The following CMIP variants were observed in gnomAD, a reference collection of about 807,000 sequenced individuals.
The protein encoded by CMIP is c-Maf inducing protein, also known as C-Maf-inducing protein.
A neutral mutation model predicts 97.3 loss-of-function variants in CMIP; 13 were observed. That is an observed-to-expected ratio of 0.13 (90% CI 0.09 to 0.21). The LOEUF is 0.21. CMIP is among the 10% of genes least tolerant of loss of function. The pLI, the probability that CMIP is intolerant of heterozygous loss-of-function variation, is 1.00. For synonymous variants in CMIP, 538 were observed against 436.3 expected, an observed-to-expected ratio of 1.23 and a Z score of -2.91; for missense variants, 847 against 1,024.9, an observed-to-expected ratio of 0.83 and a Z score of 2.37.
chr16:81,662,602 G>T (rs931176557), intron 6 of CMIP, among the ~76,000 whole-genome samples: 3 of 152,166 alleles, frequency 2.0e-5, no homozygotes, highest in African/African-American at 7.2e-5. Flanking sequence ...CCAAACTCCT[G>T]CCAAATTCCA....
chr16:81,631,390 G>A (rs1050598495), intron 3 of CMIP: 5 of 152,224 alleles, frequency 3.3e-5, no homozygotes, highest in African/African-American at 9.6e-5. Context: ...TTGCCCAGCT[G>A]GAGCTATCTT....
At chr16:81,548,531 C>G (rs2090593096) in intron 1 of CMIP, among the ~76,000 whole-genome samples, 1 of 152,076 alleles carries the variant, frequency 6.6e-6, no homozygotes, top group East Asian at 1.9e-4. Flanking sequence ...CCCTTCCACC[C>G]CAGTTGTGAC....
At chr16:81,510,426 T>G (rs1484680111) in intron 1 of CMIP, among the ~76,000 whole-genome samples, 1 of 152,218 alleles carries the variant, frequency 6.6e-6, no homozygotes, top group Non-Finnish European at 1.5e-5. Flanking sequence ...GCTAAGCACT[T>G]GGTTTGGATT....
chr16:81,462,037 A>T (rs539129343), intron 1 of CMIP, among the ~76,000 whole-genome samples: 1 of 152,282 alleles, frequency 6.6e-6, no homozygotes, highest in Admixed American at 6.5e-5. Flanking sequence ...CTGTGTTGTC[A>T]TCATTATCTT....
chr16:81,677,429 A>G (rs1020090097), intron 9 of CMIP, among the ~76,000 whole-genome samples: 1 of 152,068 alleles, frequency 6.6e-6, no homozygotes, highest in Non-Finnish European at 1.5e-5. Flanking sequence ...TGCACTTAGC[A>G]CCTTGCCGGC....
intron 1 of CMIP, among the ~76,000 whole-genome samples, chr16:81,605,821 C>G (rs565402674): frequency 1.3e-5 from 2 of 152,364 alleles, no homozygotes; most frequent in South Asian, 4.1e-4. Context: ...AAGCTCCTGT[C>G]TTATTCACTG....
intron 11 of CMIP, 130 bp downstream of exon 11, chr16:81,691,970 C>T (rs1042547459): frequency 2.8e-5 from 22 of 784,300 alleles, no homozygotes; most frequent in Middle Eastern, 5.4e-4. Context: ...CTGGAGACGT[C>T]GGTACCAGCT....
At chr16:81,457,275 G>A (rs756059787) in intron 1 of CMIP, among the ~76,000 whole-genome samples, 4 of 151,946 alleles carry the variant, frequency 2.6e-5, no homozygotes, top group African/African-American at 7.3e-5. Flanking sequence ...CAGCCAGGTC[G>A]CCTTTGCCTC....
rs570861379 is a variant in CMIP, at chr16:81,614,212, C to T, written c.426+6520C>T. The stretch of plus-strand genomic sequence containing the variant: ...AGAATGTTCCTGGTGGGGGAGTACA[C>T]GCTGCATGGAAGCCAGTCTGAGAGC... On this transcript the variant is annotated intron_variant, in intron 2 of 20. Coordinates refer to ENST00000537098, the MANE Select transcript of CMIP (RefSeq NM_198390.3). The surrounding 1 kb of genome is among the most constrained non-coding windows in gnomAD (Gnocchi z 5.3). Among the ~76,000 whole-genome samples, 17 of 152,250 alleles carry T rather than the reference C, an allele frequency of 1.1e-4. No individual in the cohort carries two copies. The South Asian group carries it at 2.7e-3, about 24-fold the overall frequency.
chr16:81,581,151 C>T (rs879505783), intron 1 of CMIP, among the ~76,000 whole-genome samples: 5 of 152,188 alleles, frequency 3.3e-5, no homozygotes, highest in Non-Finnish European at 7.3e-5. Context: ...CTGTATGTAT[C>T]ATTTTTCTTT....
chr16:81,469,413 G>A (rs1051563262), intron 1 of CMIP, among the ~76,000 whole-genome samples: 2 of 152,194 alleles, frequency 1.3e-5, no homozygotes, highest in African/African-American at 4.8e-5. Flanking sequence ...CAACTCCATG[G>A]GCTTCTGTGA....
intron 3 of CMIP, among the ~76,000 whole-genome samples, chr16:81,635,011 C>T (rs59601257): frequency 9.5e-4 from 145 of 152,312 alleles, no homozygotes; most frequent in African/African-American, 3.3e-3. Context: ...TGGTGTCCCT[C>T]ACTGTATTTC....
chr16:81,590,251 CCCT>C lies in CMIP; in HGVS notation c.301-17315_301-17313del, dbSNP rs1316101044. On this transcript the variant is annotated intron_variant, in intron 1 of 20. Transcript: ENST00000537098. ...ATTCTTTTCCTCCCTCCCATTCCTT[CCCT>C]ACCTCCCATTCCTTCGTCTCAACCT... Among the ~76,000 whole-genome samples the C allele has an allele frequency of 2.4e-5, 3 of 122,708 alleles. No individual in the cohort carries two copies. The East Asian group carries it at 1.2e-3, about 49-fold the overall frequency. The allele number at this position is 122,708 out of a possible 152,430, so 80.5% of individuals were successfully genotyped here.
At chr16:81,474,954 C>G (rs1035571646) in intron 1 of CMIP, among the ~76,000 whole-genome samples, 1 of 152,212 alleles carries the variant, frequency 6.6e-6, no homozygotes, top group Admixed American at 6.5e-5. Context: ...GAGGGTAACT[C>G]ATTTTGGAAG....
intron 1 of CMIP, among the ~76,000 whole-genome samples, chr16:81,492,654 G>C (rs2089423642): frequency 6.6e-6 from 1 of 152,178 alleles, no homozygotes; most frequent in Non-Finnish European, 1.5e-5. Context: ...CTTGGGAGGA[G>C]GAGGCAAAAC....
At chr16:81,591,072 A>AG (rs1168729421) in intron 1 of CMIP, among the ~76,000 whole-genome samples, 1 of 152,266 alleles carries the variant, frequency 6.6e-6, no homozygotes, top group African/African-American at 2.4e-5. Context: ...GGCCCTTTAC[A>AG]GAAAATGTTT....
chr16:81,693,096 G>A lies in CMIP; in HGVS notation c.1455-62G>A. 3 of 1,325,078 alleles carry A rather than the reference G, an allele frequency of 2.3e-6. No homozygotes were observed. In the Admixed American group the frequency reaches 5.1e-5, roughly 23 times the overall value. 82.1% of individuals were successfully genotyped at this position (1,325,078 alleles called of 1,614,324 possible). ...AGACGTCCCCAGAGGTTAATCTTGG[G>A]AACATTGTGCTGTTTCCGACGCTTC... is the stretch of plus-strand genomic sequence containing the variant. On this transcript the variant is annotated intron_variant, in intron 11 of 20. Coordinates refer to ENST00000537098, the MANE Select transcript of CMIP (RefSeq NM_198390.3).
chr16:81,448,656 T>C (rs1906017076), intron 1 of CMIP, among the ~76,000 whole-genome samples: 1 of 152,254 alleles, frequency 6.6e-6, no homozygotes, highest in Admixed American at 6.5e-5. Flanking sequence ...GCCAACAGCG[T>C]GCCTAATGTG....
chr16:81,649,659 C>T (rs1486164785), intron 3 of CMIP, among the ~76,000 whole-genome samples: 1 of 152,222 alleles, frequency 6.6e-6, no homozygotes, highest in East Asian at 1.9e-4. Flanking sequence ...GAGCATGCAT[C>T]ATCTTTCGCA....
Sources: gnomAD v4.1 joint callset for allele counts (sites outside exome capture counted in the v4.1 genomes callset) on GRCh38, gnomAD v4.1.1 for gene constraint, Gnocchi (gnomAD v3.1) non-coding constraint, MANE v1.5 for transcripts, NCBI Gene and HGNC (gene_info 2026-07-23, HGNC 2026-07-21) for gene names.